Variants in ATP8B4 observed in about 807,000 individuals in gnomAD.
ATP8B4 encodes ATPase phospholipid transporting 8B4 (putative), also known as probable phospholipid-transporting ATPase IM.
A neutral mutation model predicts 145.6 loss-of-function variants in ATP8B4; 133 were observed. That is an observed-to-expected ratio of 0.91 (90% CI 0.79 to 1.05). The LOEUF is 1.05. Among genes scored for constraint, ATP8B4 ranks in the 50% least tolerant of loss-of-function variants. The pLI is 0.00. For missense variants in ATP8B4, 1,458 were observed against 1,425.2 expected (o/e 1.02, Z -0.37); for synonymous variants, 507 against 492.9 (o/e 1.03, Z -0.38).
At chr15:50,104,802 C>T (rs1212175723) in intron 2 of ATP8B4, among the ~76,000 whole-genome samples, 1 of 151,110 alleles carries the variant, frequency 6.6e-6, no homozygotes, top group South Asian at 2.1e-4. Context: ...AATTCTCAAT[C>T]GCAAAAAATA....
chr15:50,008,383 C>T (rs1359806493), intron 7 of ATP8B4, among the ~76,000 whole-genome samples: 1 of 152,118 alleles, frequency 6.6e-6, no homozygotes, highest in Non-Finnish European at 1.5e-5. Flanking sequence ...CAAACGATAA[C>T]AAGAGGAAGA....
chr15:49,908,476 A>C (rs1599057911), intron 20 of ATP8B4, among the ~76,000 whole-genome samples: 1 of 150,930 alleles, frequency 6.6e-6, no homozygotes, highest in South Asian at 2.1e-4. Context: ...GGAAAGTATA[A>C]GTGAGGGATG....
At chr15:50,004,249 C>CG (rs994933582) in intron 7 of ATP8B4, among the ~76,000 whole-genome samples, 2 of 152,144 alleles carry the variant, frequency 1.3e-5, no homozygotes, top group African/African-American at 4.8e-5. Flanking sequence ...GAAGGCCCAG[C>CG]GGGGCCGGGA....
At chr15:49,890,767 G>A (rs1425139076) in intron 23 of ATP8B4, among the ~76,000 whole-genome samples, 5 of 152,160 alleles carry the variant, frequency 3.3e-5, no homozygotes, top group African/African-American at 9.7e-5. Flanking sequence ...TGAAAAACAG[G>A]GAATGGAAAA....
chr15:49,976,211 T>C (rs1464068137), intron 12 of ATP8B4, among the ~76,000 whole-genome samples: 1 of 152,008 alleles, frequency 6.6e-6, no homozygotes, highest in East Asian at 1.9e-4. Flanking sequence ...GTTTATTTAT[T>C]TATATATTTT....
rs373361933 is a variant in ATP8B4 at position 50,118,050 on chromosome 15, A to G, written c.-43+1073T>C. ...GGTAGGCTGGTTAATGGGTACAAACATACAGTCAGATAGAAGGAACAGGTT... is the reference window on the plus strand; with the variant it reads ...GGTAGGCTGGTTAATGGGTACAAACGTACAGTCAGATAGAAGGAACAGGTT... On this transcript the variant is annotated intron_variant, in intron 1 of 27. Transcript: ENST00000284509. Among the ~76,000 whole-genome samples the G allele has an allele frequency of 2.5e-4, 38 of 152,316 alleles. 1 individual carries two copies. The East Asian group carries it at 6.7e-3, about 27-fold the overall frequency.
intron 1 of ATP8B4, among the ~76,000 whole-genome samples, chr15:50,126,112 G>C (rs535632402): frequency 3.3e-4 from 50 of 152,182 alleles, no homozygotes; most frequent in Admixed American, 1.0e-3. Context: ...CTACAGGAGA[G>C]GGGAAGCCAT....
In ATP8B4 at chr15:50,034,909, G is replaced by A. The variant is rs986269851; in HGVS notation, c.362+3859C>T. 4.6e-5 allele frequency among the ~76,000 whole-genome samples: 7 copies of A among 152,290 alleles called. 1 individual carries two copies. In the Middle Eastern group the frequency reaches 0.01, roughly 222 times the overall value. ...TTATGAAACATTTAAGTATGTATTG[G>A]TACTCGCAGACTTGCCAACAGTATC... On this transcript the variant is annotated intron_variant, in intron 6 of 27. Coordinates refer to ENST00000284509, the MANE Select transcript of ATP8B4 (RefSeq NM_024837.4).
At chr15:49,979,254 C>T (rs2045951974) in intron 12 of ATP8B4, among the ~76,000 whole-genome samples, 1 of 152,050 alleles carries the variant, frequency 6.6e-6, no homozygotes, top group Admixed American at 6.6e-5. Context: ...TAGAGCCAGT[C>T]TAGTGGCAAA....
At chr15:49,992,286 G>C (rs1410267280) in intron 9 of ATP8B4, among the ~76,000 whole-genome samples, 4 of 152,122 alleles carry the variant, frequency 2.6e-5, no homozygotes, top group Non-Finnish European at 5.9e-5. Flanking sequence ...CTTATCAAAG[G>C]CTTCTTTAGG....
chr15:49,904,510 T>A (rs957068812), intron 20 of ATP8B4, among the ~76,000 whole-genome samples: 1 of 152,180 alleles, frequency 6.6e-6, no homozygotes, highest in African/African-American at 2.4e-5. Flanking sequence ...TTATGATTCA[T>A]GAGAGAAATT....
rs2032793399 is a variant in ATP8B4 at position 49,866,391 on chromosome 15, T to C, written c.3121A>G (p.Ser1041Gly). 3.1e-6 allele frequency: 5 copies of C among 1,613,948 alleles called. No homozygotes were observed. Among genetic ancestry groups the C allele is most frequent in the South Asian group, 1.1e-5 (1 of 91,086 alleles). Residue 1041 changes from serine (S) to glycine (G), a missense_variant, in exon 26 of 28, where the codon AGT (serine) becomes GGT (glycine). Transcript: ENST00000284509. ...GGGAAGATGCCAAAGATGCCATTAC[T>C]GTGCATTGTAAATAAAATGGAGAAA... ...IYFSILFTMH[S>G]NGIFGIFPNQ...
intron 7 of ATP8B4, among the ~76,000 whole-genome samples, chr15:50,005,760 C>T (rs1179876696): frequency 6.6e-6 from 1 of 152,206 alleles, no homozygotes; most frequent in East Asian, 1.9e-4. Context: ...CACTGGAACA[C>T]AACTACGAAA....
chr15:50,116,371 T>A (rs2057160720), intron 1 of ATP8B4, among the ~76,000 whole-genome samples: 1 of 152,062 alleles, frequency 6.6e-6, no homozygotes, highest in African/African-American at 2.4e-5. Flanking sequence ...GCCACTATGA[T>A]GATAAATACA....
chr15:49,883,793 TA>T (rs541759581), intron 23 of ATP8B4, among the ~76,000 whole-genome samples: 5 of 151,342 alleles, frequency 3.3e-5, no homozygotes, highest in East Asian at 1.9e-4. Context: ...TAAATTATAT[TA>T]AAAAAAAACC....
intron 6 of ATP8B4, among the ~76,000 whole-genome samples, chr15:50,023,974 T>A (rs1370059381): frequency 6.6e-6 from 1 of 152,056 alleles, no homozygotes. Flanking sequence ...GTACCTTTTC[T>A]CATTTTTTAT....
chr15:50,021,943 A>C (rs2049609191), intron 6 of ATP8B4, among the ~76,000 whole-genome samples: 1 of 152,204 alleles, frequency 6.6e-6, no homozygotes, highest in South Asian at 2.1e-4. Context: ...ATAGTTTCAC[A>C]AGGCTATGTC....
At chr15:49,949,514 A>G (rs2153488246) in intron 14 of ATP8B4, among the ~76,000 whole-genome samples, 2 of 152,180 alleles carry the variant, frequency 1.3e-5, no homozygotes, top group African/African-American at 4.8e-5. Context: ...CTGCACATTG[A>G]TTTTGTATCC....
chr15:49,865,136 A>G (rs1308383793), intron 26 of ATP8B4, among the ~76,000 whole-genome samples: 1 of 152,176 alleles, frequency 6.6e-6, no homozygotes, highest in African/African-American at 2.4e-5. Flanking sequence ...CTGGAAGGGA[A>G]GAGGGACTGA....
Sources: gnomAD v4.1 joint callset for allele counts (sites outside exome capture counted in the v4.1 genomes callset) on GRCh38, gnomAD v4.1.1 for gene constraint, MANE v1.5 for transcripts, NCBI Gene and HGNC (gene_info 2026-07-23, HGNC 2026-07-21) for gene names.